ZSCAN5C: variants seen among roughly 807,000 people sequenced by gnomAD.
ZSCAN5C encodes zinc finger and SCAN domain-containing protein 5C.
In ZSCAN5C, 11 loss-of-function variants were observed where a neutral mutation model predicts 17.3. The ratio of observed to expected loss-of-function variants is 0.64; its 90% CI spans 0.40 to 1.06. The LOEUF is 1.06. ZSCAN5C is among the 50% of genes least tolerant of loss of function. The pLI, the probability that ZSCAN5C is intolerant of heterozygous loss-of-function variation, is 0.00. For missense variants in ZSCAN5C, 698 were observed against 538.9 expected, an observed-to-expected ratio of 1.30 and a Z score of -2.92; for synonymous variants, 229 against 208.4, an observed-to-expected ratio of 1.10 and a Z score of -0.85.
chr19:56,206,957 A>T, intron 2 of ZSCAN5C, 102 bp from the exon 3 acceptor site: 1 of 618,490 alleles, frequency 1.6e-6, no homozygotes, highest in Non-Finnish European at 2.9e-6. Flanking sequence ...AGATTTGAAC[A>T]TTAATTACAG....
At chr19:56,209,382 A>G (rs2032964867), downstream of ZSCAN5C, 1 of 515,162 alleles carries the variant, frequency 1.9e-6, no homozygotes, top group Admixed American at 3.6e-5. Flanking sequence ...TTTTTGTTTC[A>G]TTATTTCTAT....
chr19:56,207,232 G>A lies in ZSCAN5C; in HGVS notation c.558G>A (p.Leu186=), dbSNP rs778710819. The A allele has an allele frequency of 5.1e-6, 4 of 779,066 alleles. No homozygotes were observed. The South Asian group carries it at 5.4e-5, about 11-fold the overall frequency. The allele number at this position is 779,066 out of a possible 1,614,324, so 48.3% of individuals were successfully genotyped here. A position where few individuals can be genotyped will look rare whatever the true frequency, so the allele number is the denominator to read the frequency against. The stretch of plus-strand genomic sequence containing the variant: ...AGGCCAGCCAAGAGCTGCAGACCCT[G>A]CCCAGGGTCCCTGCACTGTTCAGGA... Residue 186 remains leucine (L), a synonymous_variant, in exon 3 of 5, where the codon CTG becomes CTA. Coordinates refer to ENST00000534327, the Ensembl canonical transcript of ZSCAN5C.
chr19:56,205,996 C>A (rs752907296), exon 2 of ZSCAN5C: 66 of 1,596,488 alleles, frequency 4.1e-5, no homozygotes, highest in Non-Finnish European at 5.4e-5. Context: ...TCCATGCCAT[C>A]CCCAGCAACT....
chr19:56,208,869 A>G (rs754690559), exon 5 of ZSCAN5C: 2 of 1,586,550 alleles, frequency 1.3e-6, no homozygotes, highest in Non-Finnish European at 1.7e-6. Context: ...TTTCAGTGTA[A>G]TCTCTGCGGG....
Position 56,205,691 on chromosome 19 carries a change from A to AG in ZSCAN5C, c.-127-92dup, listed in dbSNP as rs913558399. Reference sequence around the variant, plus strand: ...TCCACGGTGCTGAGTCCAATGCTAGAGGGGAAGTGGGGTCTGGGATTGGGA... The same window carrying AG: ...TCCACGGTGCTGAGTCCAATGCTAGAGGGGGAAGTGGGGTCTGGGATTGGGA... On this transcript the variant is annotated intron_variant, in intron 1 of 4. Coordinates refer to ENST00000534327, the Ensembl canonical transcript of ZSCAN5C. 11 of 529,172 alleles carry AG rather than the reference A, an allele frequency of 2.1e-5. No individual in the cohort carries two copies. In the Admixed American group the frequency reaches 3.6e-4, roughly 17 times the overall value. 32.8% of individuals were successfully genotyped at this position (529,172 alleles called of 1,614,324 possible).
chr19:56,209,180 C>T lies in ZSCAN5C; in HGVS notation c.1471C>T (p.Arg491Ter), dbSNP rs1466978397. Residue 491 changes from arginine to a stop codon, truncating the protein, a stop_gained, in exon 5 of 5, where the codon CGA becomes TGA. Transcript: ENST00000534327. LOFTEE classifies it low-confidence loss of function (END_TRUNC). ...CTTAAGACGCCACCAGAAAACACAT[C>T]GAGAAGCCACTTCACAGTGACTTCA... The T allele has an allele frequency of 2.2e-6, 2 of 898,528 alleles. No homozygotes were observed. The highest frequency in any genetic ancestry group is 2.1e-5 in the Admixed American group (1 of 46,806). 55.7% of individuals were successfully genotyped at this position (898,528 alleles called of 1,614,324 possible). A position where few individuals can be genotyped will look rare whatever the true frequency, so the allele number is the denominator to read the frequency against.
exon 5 of ZSCAN5C, chr19:56,209,008 C>G (rs951778024): frequency 6.2e-7 from 1 of 1,612,910 alleles, no homozygotes; most frequent in African/African-American, 1.3e-5. Context: ...ACAAGAGAAG[C>G]CACACAGGGG....
chr19:56,205,956 T>G (rs45544034), exon 2 of ZSCAN5C: 55,924 of 1,421,084 alleles, frequency 0.039, 3,159 homozygotes, highest in East Asian at 0.23. Context: ...AGGAGAATCC[T>G]GCAACAGCCC....
chr19:56,207,037 A>G (rs1470737752), intron 2 of ZSCAN5C, 22 bp from the exon 3 acceptor site: 3 of 702,646 alleles, frequency 4.3e-6, no homozygotes, highest in South Asian at 1.5e-5. Context: ...AGTTAGTCTG[A>G]TTGCTTTTTT....
intron 1 of ZSCAN5C, among the ~76,000 whole-genome samples, chr19:56,204,109 C>T (rs528367091): frequency 6.6e-6 from 1 of 151,994 alleles, no homozygotes; most frequent in South Asian, 2.1e-4. Flanking sequence ...TGACTCTACC[C>T]ATCACCCAGG....
intron 4 of ZSCAN5C, 100 bp downstream of exon 4, chr19:56,208,284 G>A: frequency 3.0e-6 from 2 of 664,652 alleles, no homozygotes; most frequent in South Asian, 3.6e-5. Flanking sequence ...TTGGCACTCA[G>A]CTGCCAAAGC....
chr19:56,208,822 A>T, exon 5 of ZSCAN5C: 2 of 1,557,568 alleles, frequency 1.3e-6, no homozygotes, highest in Non-Finnish European at 1.8e-6. Flanking sequence ...GCGGCAAGTT[A>T]GCCGTCCACA....
chr19:56,208,653 A>G lies in ZSCAN5C; in HGVS notation c.944A>G (p.Glu315Gly), dbSNP rs574540411. 800 of 1,612,348 alleles carry G rather than the reference A, an allele frequency of 5.0e-4. 33 individuals are homozygous for G. The African/African-American group carries it at 9.6e-3, about 19-fold the overall frequency. The change falls in exon 5 of 5, where the codon GAA becomes GGA. Residue 315 changes from glutamate (E) to glycine (G), a missense_variant. Physicochemically the swap from Glu to Gly is moderately conservative, Grantham distance 98. This residue lies in a region of ZSCAN5C where 554 missense variants were observed against 390.5 expected (regional missense o/e 1.42). Transcript: ENST00000534327. ...ATTTCCCAAGAAGAGCCTCAAGGAG[A>G]AGCCACACCTGTGGGCAACAGAGAA...
exon 5 of ZSCAN5C, chr19:56,208,565 G>C (rs1255776361): frequency 6.3e-7 from 1 of 1,591,702 alleles, no homozygotes; most frequent in Non-Finnish European, 8.6e-7. Flanking sequence ...GACTCACAGC[G>C]GGAGCAGAGG....
At chr19:56,207,207 A>G in exon 3 of ZSCAN5C, 1 of 778,376 alleles carries the variant, frequency 1.3e-6, no homozygotes, top group Non-Finnish European at 2.4e-6. Context: ...GAGGAAGGCC[A>G]GGCCAGCCAA....
chr19:56,204,127 G>A (rs2032897746), intron 1 of ZSCAN5C, among the ~76,000 whole-genome samples: 1 of 151,834 alleles, frequency 6.6e-6, no homozygotes, highest in South Asian at 2.1e-4. Context: ...AGGATGTGAG[G>A]ATAGCAACCA....
chr19:56,208,920 G>A (rs545364962), exon 5 of ZSCAN5C: 70 of 1,612,930 alleles, frequency 4.3e-5, no homozygotes, highest in East Asian at 3.8e-4. Flanking sequence ...TTTCACCAGC[G>A]AACCCACACT....
At chr19:56,204,093 G>C (rs2032897438) in intron 1 of ZSCAN5C, among the ~76,000 whole-genome samples, 1 of 151,846 alleles carries the variant, frequency 6.6e-6, no homozygotes, top group African/African-American at 2.4e-5. Context: ...GCTGAGGTTT[G>C]AGGTATGACT....
At chr19:56,202,675 T>C (rs1246999006) in intron 1 of ZSCAN5C, among the ~76,000 whole-genome samples, 3 of 151,954 alleles carry the variant, frequency 2.0e-5, no homozygotes, top group African/African-American at 4.9e-5. Context: ...TGCCTCTGCT[T>C]CCCAAGTAGC....
Sources: gnomAD v4.1 joint callset for allele counts (sites outside exome capture counted in the v4.1 genomes callset) on GRCh38, gnomAD v4.1.1 for gene constraint, gnomAD v4.1.1 regional missense constraint, MANE v1.5 for transcripts, NCBI Gene and HGNC (gene_info 2026-07-23, HGNC 2026-07-21) for gene names.